Variants in ATF7IP2 observed in about 807,000 individuals in gnomAD.
The protein encoded by ATF7IP2 is activating transcription factor 7 interacting protein 2, also known as activating transcription factor 7-interacting protein 2.
Under a neutral mutation model 64.2 loss-of-function variants are expected in ATF7IP2, and 42 were observed. The observed-to-expected ratio is 0.65, with a 90% confidence interval of 0.51 to 0.85. The LOEUF (loss-of-function observed/expected upper bound fraction) is 0.85, where lower values mean the gene tolerates loss of function less well. Ranked by LOEUF, ATF7IP2 falls within the 40% of genes least tolerant of loss-of-function variation. ATF7IP2 has a pLI of 0.00. For synonymous variants in ATF7IP2, 308 were observed against 272.8 expected (o/e 1.13, Z -1.27); for missense variants, 933 against 784.2 (o/e 1.19, Z -2.27).
At chr16:10,437,519 A>G (rs1364276490) in intron 6 of ATF7IP2, among the ~76,000 whole-genome samples, 2 of 152,270 alleles carry the variant, frequency 1.3e-5, no homozygotes, top group East Asian at 1.9e-4. Flanking sequence ...TTATGTTCCT[A>G]TAAAAATCCT....
intron 7 of ATF7IP2, among the ~76,000 whole-genome samples, chr16:10,438,931 T>C (rs974503632): frequency 1.3e-5 from 2 of 151,404 alleles, no homozygotes. Context: ...CGTGTGCCTG[T>C]AGTCCCAGCT....
At chr16:10,469,892 T>TAAAAAAAAAAAAAAAA (rs34620633) in intron 9 of ATF7IP2, among the ~76,000 whole-genome samples, 1 of 146,986 alleles carries the variant, frequency 6.8e-6, no homozygotes. Context: ...ATTGAAAGTT[T>TAAAAAAAAAAAAAAAA]AAAAAAAAAA....
chr16:10,461,691 A>C (rs1242124363), intron 9 of ATF7IP2, among the ~76,000 whole-genome samples: 2 of 152,152 alleles, frequency 1.3e-5, no homozygotes, highest in African/African-American at 4.8e-5. Context: ...AGAGTAAAAC[A>C]AGGAGATTAG....
chr16:10,425,222 C>G (rs1243261752), intron 3 of ATF7IP2, among the ~76,000 whole-genome samples: 3 of 145,004 alleles, frequency 2.1e-5, no homozygotes, highest in African/African-American at 7.8e-5. Context: ...CCATGCCTGG[C>G]TAGTTTTTTT....
At chr16:10,424,465 C>T (rs531581577) in intron 3 of ATF7IP2, among the ~76,000 whole-genome samples, 71 of 152,180 alleles carry the variant, frequency 4.7e-4, no homozygotes, top group African/African-American at 1.3e-3. Flanking sequence ...TAAAAACACA[C>T]GTAAATGTGT....
At chr16:10,470,536 C>A (rs187292242) in intron 9 of ATF7IP2, among the ~76,000 whole-genome samples, 191 of 152,190 alleles carry the variant, frequency 1.3e-3, no homozygotes, top group African/African-American at 4.4e-3. Flanking sequence ...ATAATCCCAG[C>A]ATCTTGGGAG....
chr16:10,471,225 T>C (rs2049786705), intron 9 of ATF7IP2, among the ~76,000 whole-genome samples: 1 of 152,122 alleles, frequency 6.6e-6, no homozygotes, highest in Non-Finnish European at 1.5e-5. Context: ...AGAAGATGTC[T>C]GCAAGAAAAT....
intron 8 of ATF7IP2, among the ~76,000 whole-genome samples, chr16:10,453,665 T>C (rs1233939843): frequency 1.3e-5 from 2 of 152,238 alleles, no homozygotes; most frequent in Non-Finnish European, 2.9e-5. Flanking sequence ...TTGCCCAGGC[T>C]GGAGTGCAGT....
rs1232601877 is a variant in ATF7IP2, at chr16:10,411,916, TTTC to T, written c.-241-2657_-241-2655del. On this transcript the variant is annotated intron_variant, in intron 1 of 13. Transcript: ENST00000562102. ...AGTTGAGCTTATTTGTTTTTTTTTT[TTTC>T]CTCAGCTTTTCTTGGTTAATCTTGC... is the stretch of plus-strand genomic sequence containing the variant. Among the ~76,000 whole-genome samples, 200 of 150,334 alleles carry T rather than the reference TTTC, an allele frequency of 1.3e-3. 2 individuals are homozygous for T. Among genetic ancestry groups the T allele is most frequent in the Non-Finnish European group, 1.4e-3 (91 of 67,386 alleles).
intron 13 of ATF7IP2, 128 bp from the exon 14 acceptor site, chr16:10,481,708 C>T: frequency 3.8e-6 from 3 of 783,350 alleles, no homozygotes; most frequent in South Asian, 2.2e-5. Context: ...GGACTGGATC[C>T]AGCCTCACAT....
chr16:10,431,565 A>AT, intron 5 of ATF7IP2, 110 bp downstream of exon 5: 1 of 687,202 alleles, frequency 1.5e-6, no homozygotes, highest in Non-Finnish European at 2.3e-6. Flanking sequence ...AAGGTAAATG[A>AT]TGACAATTAT....
rs946231475 is a variant in ATF7IP2 at position 10,428,901 on chromosome 16, T to A, written c.-126T>A. On this transcript the variant is annotated 5_prime_UTR_variant, in exon 4 of 14. Coordinates refer to ENST00000562102, the MANE Select transcript of ATF7IP2 (RefSeq NM_001393719.1). ...CTTTTTTTTTTTCTTTGAGACACGG[T>A]CTCACTCTGTCACCCTTGCTGGAGT... 1 of 151,846 alleles carries A rather than the reference T, an allele frequency of 6.6e-6. No individual in the cohort carries two copies. Among genetic ancestry groups the A allele is most frequent in the Non-Finnish European group, 1.5e-5 (1 of 67,986 alleles). 9.4% of individuals were successfully genotyped at this position (151,846 alleles called of 1,614,324 possible).
chr16:10,464,109 A>ATGGC (rs1348529660), intron 9 of ATF7IP2, among the ~76,000 whole-genome samples: 1 of 152,152 alleles, frequency 6.6e-6, no homozygotes, highest in Admixed American at 6.5e-5. Context: ...CTCTCAAGTT[A>ATGGC]TGGCTGCCAC....
rs1291058273 is a variant in ATF7IP2 at position 10,430,875 on chromosome 16, A to G, written c.255A>G (p.Ser85=). The change falls in exon 5 of 14, where the codon TCA becomes TCG. Residue 85 remains serine, a synonymous_variant. Coordinates refer to ENST00000562102, the MANE Select transcript of ATF7IP2 (RefSeq NM_001393719.1). ...SSLDSNKNSI[S]EKSKVFSQNC... ...TGGACTCTAATAAAAATTCAATATC[A>G]GAGAAAAGTAAAGTATTCTCTCAGA... 3 of 1,613,954 alleles carry G rather than the reference A, an allele frequency of 1.9e-6. No individual in the cohort carries two copies. Among genetic ancestry groups the G allele is most frequent in the Non-Finnish European group, 2.5e-6 (3 of 1,179,900 alleles).
intron 9 of ATF7IP2, among the ~76,000 whole-genome samples, chr16:10,463,124 C>CT (rs1295771415): frequency 2.0e-5 from 3 of 152,136 alleles, no homozygotes; most frequent in African/African-American, 7.2e-5. Context: ...ACTTTGAACT[C>CT]TATTTGTGTT....
At chr16:10,436,928 T>C (rs545898362) in intron 6 of ATF7IP2, among the ~76,000 whole-genome samples, 3 of 152,188 alleles carry the variant, frequency 2.0e-5, no homozygotes, top group Admixed American at 2.0e-4. Flanking sequence ...AGTTCATTAA[T>C]TTTTCATATT....
At chr16:10,428,718 A>G (rs1464095236) in intron 3 of ATF7IP2, 150 bp from the exon 4 acceptor site, 1 of 152,236 alleles carries the variant, frequency 6.6e-6, no homozygotes, top group East Asian at 1.9e-4. Context: ...GTAATCAGGA[A>G]AAAATTCCCA....
At chr16:10,410,924 G>A (rs773786915) in intron 1 of ATF7IP2, among the ~76,000 whole-genome samples, 4 of 152,170 alleles carry the variant, frequency 2.6e-5, no homozygotes, top group Non-Finnish European at 5.9e-5. Flanking sequence ...ATCATAAAGG[G>A]ATGCTGGATT....
chr16:10,403,800 T>C (rs1187198814), intron 1 of ATF7IP2, among the ~76,000 whole-genome samples: 1 of 152,020 alleles, frequency 6.6e-6, no homozygotes, highest in Non-Finnish European at 1.5e-5. Flanking sequence ...CAATGAAAAA[T>C]TCATTGAAGA....
Sources: allele counts gnomAD v4.1 joint callset (sites outside exome capture counted in the v4.1 genomes callset), GRCh38; gene constraint gnomAD v4.1.1; transcripts MANE v1.5; gene names NCBI Gene and HGNC (gene_info 2026-07-23, HGNC 2026-07-21).